Variants in GABRB2 observed in about 807,000 individuals in gnomAD.
GABRB2 encodes gamma-aminobutyric acid receptor subunit beta-2.
GABRB2 carries 16 observed loss-of-function variants against 54.7 expected under a neutral mutation model. The ratio of observed to expected loss-of-function variants is 0.29; its 90% CI spans 0.20 to 0.44. GABRB2 has a LOEUF of 0.44. GABRB2 is among the 20% of genes least tolerant of loss of function. The pLI, the probability that GABRB2 is intolerant of heterozygous loss-of-function variation, is 1.00. For missense variants in GABRB2, 355 were observed against 644.0 expected (o/e 0.55, Z 4.86); for synonymous variants, 244 against 233.8 (o/e 1.04, Z -0.40).
At chr5:161,356,550 C>T (rs575176468) in intron 5 of GABRB2, among the ~76,000 whole-genome samples, 4 of 152,110 alleles carry the variant, frequency 2.6e-5, no homozygotes, top group Middle Eastern at 3.4e-3. Context: ...AAAATGTGGA[C>T]TCAAAATATT....
Position 161,360,070 on chromosome 5 carries a change from G to A in GABRB2, c.542-23301C>T, listed in dbSNP as rs147475498. Among the ~76,000 whole-genome samples, 20 of 130,398 alleles carry A rather than the reference G, an allele frequency of 1.5e-4. No individual in the cohort carries two copies. In the East Asian group the frequency reaches 3.7e-3, roughly 24 times the overall value. The allele number at this position is 130,398 out of a possible 152,430, so 85.5% of individuals were successfully genotyped here. On this transcript the variant is annotated intron_variant, in intron 5 of 9. Transcript: ENST00000393959. The stretch of plus-strand genomic sequence containing the variant: ...TGCACTACAGCCTTGGCGACACAGC[G>A]AGACTCCGTCTAAAAAAAAAAAATT...
intron 3 of GABRB2, among the ~76,000 whole-genome samples, chr5:161,514,944 G>A (rs1035708933): frequency 6.6e-6 from 1 of 152,130 alleles, no homozygotes; most frequent in African/African-American, 2.4e-5. Flanking sequence ...AAATGTATGT[G>A]AACCCAAGCC....
At chr5:161,426,368 A>T (rs1756998825) in intron 4 of GABRB2, among the ~76,000 whole-genome samples, 1 of 152,106 alleles carries the variant, frequency 6.6e-6, no homozygotes, top group Non-Finnish European at 1.5e-5. Flanking sequence ...TACTTAGAGG[A>T]GTTCTAAAGG....
chr5:161,483,910 C>T (rs80196248), intron 3 of GABRB2, among the ~76,000 whole-genome samples: 5,274 of 151,794 alleles, frequency 0.035, 130 homozygotes, highest in Middle Eastern at 0.095. Context: ...CTCTACCTGG[C>T]AAGGTTAGTA....
chr5:161,521,280 T>C (rs1760108040), intron 3 of GABRB2, among the ~76,000 whole-genome samples: 1 of 151,982 alleles, frequency 6.6e-6, no homozygotes, highest in South Asian at 2.1e-4. Context: ...TTTATTCCTA[T>C]CTTTATTTTT....
chr5:161,461,951 T>A (rs1758129054), intron 3 of GABRB2, among the ~76,000 whole-genome samples: 1 of 152,224 alleles, frequency 6.6e-6, no homozygotes, highest in South Asian at 2.1e-4. Context: ...TTTATACATC[T>A]TAATTGGTTT....
At chr5:161,354,108 T>C (rs1006192909) in intron 5 of GABRB2, among the ~76,000 whole-genome samples, 1 of 152,050 alleles carries the variant, frequency 6.6e-6, no homozygotes, top group African/African-American at 2.4e-5. Flanking sequence ...TCCTCTACAG[T>C]GTCCTCAGAT....
At chr5:161,406,076 A>G (rs879352542) in intron 5 of GABRB2, among the ~76,000 whole-genome samples, 1 of 152,060 alleles carries the variant, frequency 6.6e-6, no homozygotes, top group Non-Finnish European at 1.5e-5. Context: ...TGCTATATCA[A>G]TCAAATAGGC....
intron 3 of GABRB2, among the ~76,000 whole-genome samples, chr5:161,532,089 G>A (rs1760479982): frequency 6.6e-6 from 1 of 152,056 alleles, no homozygotes; most frequent in South Asian, 2.1e-4. Context: ...ACAGTGATGA[G>A]CTATTACTAG....
intron 9 of GABRB2, among the ~76,000 whole-genome samples, chr5:161,302,105 G>A (rs1757557259): frequency 6.6e-6 from 1 of 152,188 alleles, no homozygotes; most frequent in South Asian, 2.1e-4. Context: ...TATAGCAACT[G>A]AATCAGCTGT....
intron 3 of GABRB2, among the ~76,000 whole-genome samples, chr5:161,531,157 G>C (rs113102481): frequency 5.9e-5 from 9 of 152,120 alleles, no homozygotes; most frequent in East Asian, 3.9e-4. Flanking sequence ...ATGGTGATTA[G>C]ATTTTACAAC....
chr5:161,477,811 G>A (rs1206227888), intron 3 of GABRB2, among the ~76,000 whole-genome samples: 1 of 151,912 alleles, frequency 6.6e-6, no homozygotes, highest in African/African-American at 2.4e-5. Flanking sequence ...TGGGGACTGA[G>A]AGAAATTGAG....
chr5:161,341,356 G>A (rs11135148), intron 5 of GABRB2, among the ~76,000 whole-genome samples: 12,652 of 151,820 alleles, frequency 0.083, 701 homozygotes, highest in African/African-American at 0.15. Context: ...GAAGCACTTC[G>A]TTAATGTACT....
At chr5:161,488,484 T>C (rs1318676399) in intron 3 of GABRB2, among the ~76,000 whole-genome samples, 1 of 151,740 alleles carries the variant, frequency 6.6e-6, no homozygotes, top group Non-Finnish European at 1.5e-5. Flanking sequence ...TGTATAAATA[T>C]GTTTTTACAG....
intron 4 of GABRB2, among the ~76,000 whole-genome samples, chr5:161,454,125 G>T (rs1757876960): frequency 2.0e-5 from 3 of 151,626 alleles, no homozygotes; most frequent in Non-Finnish European, 4.4e-5. Context: ...GGAGTGATAA[G>T]ACATGATGAG....
chr5:161,506,634 T>G (rs1759614118), intron 3 of GABRB2, among the ~76,000 whole-genome samples: 1 of 152,120 alleles, frequency 6.6e-6, no homozygotes, highest in African/African-American at 2.4e-5. Flanking sequence ...TGAGAAAGAC[T>G]TGATGACATG....
intron 5 of GABRB2, among the ~76,000 whole-genome samples, chr5:161,375,682 C>T (rs1008146883): frequency 6.6e-6 from 1 of 152,200 alleles, no homozygotes; most frequent in Non-Finnish European, 1.5e-5. Flanking sequence ...ATAACTATTA[C>T]TTCAGTTCTG....
intron 3 of GABRB2, among the ~76,000 whole-genome samples, chr5:161,522,804 C>T (rs903929385): frequency 1.3e-5 from 2 of 151,544 alleles, no homozygotes; most frequent in Admixed American, 1.3e-4. Flanking sequence ...TCTCCTTTAA[C>T]ATACAGCTGT....
chr5:161,544,184 A>C (rs1222812720), intron 3 of GABRB2, among the ~76,000 whole-genome samples: 1 of 152,212 alleles, frequency 6.6e-6, no homozygotes, highest in Admixed American at 6.5e-5. Flanking sequence ...AAAAGTTTAT[A>C]TACTATACCC....
Sources: gnomAD v4.1 joint callset for allele counts (sites outside exome capture counted in the v4.1 genomes callset) on GRCh38, gnomAD v4.1.1 for gene constraint, MANE v1.5 for transcripts, NCBI Gene and HGNC (gene_info 2026-07-23, HGNC 2026-07-21) for gene names.